SEC62: variants seen among roughly 807,000 people sequenced by gnomAD.
SEC62 encodes SEC62 preprotein translocation factor, also known as translocation protein SEC62.
Under a neutral mutation model 47.5 loss-of-function variants are expected in SEC62, and 10 were observed. That is an observed-to-expected ratio of 0.21 (90% confidence interval 0.13 to 0.36). The LOEUF (loss-of-function observed/expected upper bound fraction) is 0.36, where lower values mean the gene tolerates loss of function less well. Among genes scored for constraint, SEC62 ranks in the 10% least tolerant of loss-of-function variants. SEC62 has a pLI of 1.00. For missense variants in SEC62, 327 were observed against 464.1 expected (o/e 0.70, Z 2.71); for synonymous variants, 136 against 150.5 (o/e 0.90, Z 0.71).
intron 4 of SEC62, 35 bp from the exon 5 acceptor site, chr3:169,983,126 G>C: frequency 2.6e-6 from 4 of 1,533,802 alleles, no homozygotes; most frequent in South Asian, 2.3e-5. Flanking sequence ...TTGCTTACTT[G>C]TGTTATTTCT....
chr3:169,990,858 A>G (rs929705613), intron 7 of SEC62, among the ~76,000 whole-genome samples: 2 of 152,230 alleles, frequency 1.3e-5, no homozygotes, highest in African/African-American at 4.8e-5. Flanking sequence ...ATTTTCTTCC[A>G]TTTATACAAA....
chr3:169,988,198 G>GT (rs1559967435), intron 6 of SEC62, 42 bp from the exon 7 acceptor site: 2 of 1,609,216 alleles, frequency 1.2e-6, no homozygotes, highest in African/African-American at 2.7e-5. Flanking sequence ...TACCATTTAA[G>GT]TTTTTATTCT....
intron 2 of SEC62, 69 bp downstream of exon 2, chr3:169,975,785 TAGA>T (rs1714821978): frequency 9.2e-7 from 1 of 1,089,112 alleles, no homozygotes. Context: ...TTGGGATATG[TAGA>T]AGTTTTAAAA....
chr3:169,966,812 G>A lies in SEC62; in HGVS notation c.-11G>A. ...GCTCCACGTCAGAGGGAACCGGGCG[G>A]AGCGGCCAACATGGCGGAACGCAGG... On this transcript the variant is annotated 5_prime_UTR_variant, in exon 1 of 8. Transcript: ENST00000337002. 2 of 1,552,928 alleles carry A rather than the reference G, an allele frequency of 1.3e-6. No individual in the cohort carries two copies.
chr3:169,975,011 T>C (rs1195415788), intron 1 of SEC62, among the ~76,000 whole-genome samples: 2 of 152,338 alleles, frequency 1.3e-5, no homozygotes, highest in South Asian at 4.1e-4. Context: ...CCGGTGACGA[T>C]GGCTCACGCC....
At chr3:169,972,443 T>C (rs1279751886) in intron 1 of SEC62, among the ~76,000 whole-genome samples, 1 of 152,062 alleles carries the variant, frequency 6.6e-6, no homozygotes, top group African/African-American at 2.4e-5. Flanking sequence ...TTTGGGTGCT[T>C]TCACTTTGTT....
rs2108289486 is a variant in SEC62 at position 169,992,422 on chromosome 3, T to C, written c.731-172T>C. ...GCTCAAGTGATCCTCCCAAGTAGCT[T>C]GGATTAGAGGTTTAGCCACCACGCC... On this transcript the variant is annotated intron_variant, in intron 7 of 7. Coordinates refer to ENST00000337002, the MANE Select transcript of SEC62 (RefSeq NM_003262.4). The surrounding 1 kb of genome is among the most constrained non-coding windows in gnomAD (Gnocchi z 4.0). 6.6e-6 allele frequency among the ~76,000 whole-genome samples: 1 copy of C among 152,240 alleles called. No individual in the cohort carries two copies. Among genetic ancestry groups the C allele is most frequent in the Non-Finnish European group, 1.5e-5 (1 of 67,994 alleles).
intron 6 of SEC62, 112 bp downstream of exon 6, chr3:169,985,977 T>C: frequency 1.6e-6 from 1 of 625,564 alleles, no homozygotes; most frequent in South Asian, 2.5e-5. Flanking sequence ...GTTGTCATTT[T>C]AAAAATACTT....
At chr3:169,975,883 T>A (rs997365179) in intron 2 of SEC62, among the ~76,000 whole-genome samples, 167 bp downstream of exon 2, 2 of 152,236 alleles carry the variant, frequency 1.3e-5, no homozygotes, top group African/African-American at 4.8e-5. Context: ...AAAATGTCTA[T>A]AATAAAAAGA....
At chr3:169,983,716 G>A (rs1715033440) in intron 5 of SEC62, 1 of 152,310 alleles carries the variant, frequency 6.6e-6, no homozygotes, top group Non-Finnish European at 1.5e-5. Context: ...CAGAAAGCTG[G>A]TAATTTCATT....
intron 7 of SEC62, 125 bp downstream of exon 7, chr3:169,988,484 C>A: frequency 1.0e-6 from 1 of 1,004,322 alleles, no homozygotes; most frequent in Non-Finnish European, 1.5e-6. Flanking sequence ...TATGGTACTA[C>A]TTTCTGAGTC....
chr3:169,967,407 A>G (rs1271073933), intron 1 of SEC62, among the ~76,000 whole-genome samples: 1 of 152,178 alleles, frequency 6.6e-6, no homozygotes, highest in African/African-American at 2.4e-5. Context: ...CTGCTCATCC[A>G]GATGTTCAGT....
chr3:169,983,233 G>C lies in SEC62; in HGVS notation c.529G>C (p.Val177Leu), dbSNP rs150642223. 9 of 1,612,236 alleles carry C rather than the reference G, an allele frequency of 5.6e-6. No homozygotes were observed. The highest frequency in any genetic ancestry group is 2.7e-5 in the African/African-American group (2 of 74,832). The change falls in exon 5 of 8, where the codon GTT becomes CTT. Residue 177 changes from valine (V) to leucine (L), a missense_variant. Val to Leu is a conservative substitution (Grantham distance 32). Coordinates refer to ENST00000337002, the MANE Select transcript of SEC62 (RefSeq NM_003262.4). Reference sequence around the variant, plus strand: ...CAAACTTGAGCCACATGATGATCAGGTTTTTCTGGATGGAAATGAGGTGAG... The same window carrying C: ...CAAACTTGAGCCACATGATGATCAGCTTTTTCTGGATGGAAATGAGGTGAG... ...KFKLEPHDDQ[V>L]FLDGNEVYVW...
At chr3:169,967,024 G>T (rs1177409728) in intron 1 of SEC62, among the ~76,000 whole-genome samples, 166 bp downstream of exon 1, 1 of 152,214 alleles carries the variant, frequency 6.6e-6, no homozygotes, top group Non-Finnish European at 1.5e-5. Context: ...TGAGGGGCCT[G>T]AGGGGGGGCG....
chr3:169,966,895 C>T (rs376321755), intron 1 of SEC62, 37 bp downstream of exon 1: 3 of 1,382,064 alleles, frequency 2.2e-6, no homozygotes, highest in Non-Finnish European at 2.9e-6. Flanking sequence ...GGCTTCGGCG[C>T]GCTGGATAGT....
intron 7 of SEC62, among the ~76,000 whole-genome samples, chr3:169,989,089 G>T (rs1024879725): frequency 6.6e-6 from 1 of 151,156 alleles, no homozygotes; most frequent in African/African-American, 2.4e-5. Context: ...GATGATTGGG[G>T]TCTTTCATAG....
chr3:169,971,513 A>G (rs1190419635), intron 1 of SEC62, among the ~76,000 whole-genome samples: 1 of 152,252 alleles, frequency 6.6e-6, no homozygotes, highest in Non-Finnish European at 1.5e-5. Context: ...TTAAGAAAGT[A>G]TCAGTAAACA....
intron 5 of SEC62, among the ~76,000 whole-genome samples, chr3:169,984,109 A>G (rs915203359): frequency 6.6e-6 from 1 of 152,194 alleles, no homozygotes; most frequent in African/African-American, 2.4e-5. Context: ...CTTTCCTGTT[A>G]TACCTATACA....
At chr3:169,976,849 G>T in intron 2 of SEC62, 97 bp from the exon 3 acceptor site, 1 of 738,910 alleles carries the variant, frequency 1.4e-6, no homozygotes. Context: ...TTTCTTTTTT[G>T]TTGCCAGAGT....
Sources: allele counts gnomAD v4.1 joint callset (sites outside exome capture counted in the v4.1 genomes callset), GRCh38; gene constraint gnomAD v4.1.1; non-coding constraint Gnocchi (gnomAD v3.1); transcripts MANE v1.5; gene names NCBI Gene and HGNC (gene_info 2026-07-23, HGNC 2026-07-21).